The following COX10 variants were observed in gnomAD, a reference collection of about 807,000 sequenced individuals.
COX10 encodes cytochrome c oxidase assembly factor heme A:farnesyltransferase COX10.
In COX10, 27 loss-of-function variants were observed where a neutral mutation model predicts 37.3. That is an observed-to-expected ratio of 0.72 (90% CI 0.53 to 1.00). The LOEUF is 1.00. Among genes scored for constraint, COX10 ranks in the 50% least tolerant of loss-of-function variants. COX10 has a pLI of 0.00. For missense variants in COX10, 475 were observed against 563.2 expected, an observed-to-expected ratio of 0.84 and a Z score of 1.59; for synonymous variants, 222 against 229.1, an observed-to-expected ratio of 0.97 and a Z score of 0.28.
chr17:14,159,846 T>G, intron 4 of COX10, 31 bp from the exon 5 acceptor site: 1 of 1,527,968 alleles, frequency 6.5e-7, no homozygotes, highest in African/African-American at 1.4e-5. Context: ...TTATAGTTAA[T>G]GTTTTCTGTC....
chr17:14,074,240 C>G (rs558546952), intron 1 of COX10, 83 bp from the exon 2 acceptor site: 458 of 1,521,348 alleles, frequency 3.0e-4, no homozygotes, highest in Middle Eastern at 1.7e-4. Context: ...TAGTGGCTGG[C>G]TTTGCTTCTG....
At chr17:14,151,552 C>T (rs1904894720) in intron 4 of COX10, among the ~76,000 whole-genome samples, 1 of 151,632 alleles carries the variant, frequency 6.6e-6, no homozygotes, top group Non-Finnish European at 1.5e-5. Context: ...CACACACACA[C>T]ACACACACAC....
Position 14,176,062 on chromosome 17 carries a change from G to A in COX10, c.696-15927G>A, listed in dbSNP as rs567882745. Among the ~76,000 whole-genome samples the A allele has an allele frequency of 8.2e-4, 124 of 152,052 alleles. 1 individual carries two copies. Among genetic ancestry groups the A allele is most frequent in the African/African-American group, 2.7e-3 (111 of 41,524 alleles). On this transcript the variant is annotated intron_variant, in intron 5 of 6. Coordinates refer to ENST00000261643, the MANE Select transcript of COX10 (RefSeq NM_001303.4). ...CTCAGCTGCCTGGGTAAAGTAGACC[G>A]TAGAATCCCAGGAGAGAGACTTGGG...
chr17:14,069,692 CTT>C, intron 1 of COX10, 44 bp downstream of exon 1: 3 of 1,612,372 alleles, frequency 1.9e-6, no homozygotes, highest in Non-Finnish European at 1.7e-6. Context: ...AAATTCTTCT[CTT>C]ATTACCACGT....
chr17:14,096,022 C>T (rs760650557), intron 3 of COX10, among the ~76,000 whole-genome samples: 6 of 152,108 alleles, frequency 3.9e-5, no homozygotes, highest in South Asian at 2.1e-4. Flanking sequence ...GGTCCAGGGC[C>T]GCCTCTGGTG....
intron 4 of COX10, among the ~76,000 whole-genome samples, chr17:14,124,262 G>A (rs1916287500): frequency 6.6e-6 from 1 of 152,142 alleles, no homozygotes; most frequent in Non-Finnish European, 1.5e-5. Flanking sequence ...TTTGTGACTT[G>A]TAAGCCAAAT....
intron 4 of COX10, among the ~76,000 whole-genome samples, chr17:14,124,920 C>G (rs910074520): frequency 6.6e-6 from 1 of 152,124 alleles, no homozygotes; most frequent in South Asian, 2.1e-4. Context: ...TAGAAATCTT[C>G]CCTTTTGTGT....
intron 4 of COX10, among the ~76,000 whole-genome samples, chr17:14,118,857 A>G (rs773645681): frequency 6.7e-6 from 1 of 149,778 alleles, no homozygotes; most frequent in East Asian, 1.9e-4. Context: ...TTTTATTTCT[A>G]TAATACCTGT....
intron 4 of COX10, among the ~76,000 whole-genome samples, chr17:14,114,590 G>T (rs947792020): frequency 1.6e-4 from 24 of 151,998 alleles, no homozygotes; most frequent in African/African-American, 5.8e-4. Context: ...AGTTGCCAGC[G>T]GGTGACATTA....
intron 4 of COX10, among the ~76,000 whole-genome samples, chr17:14,152,754 C>T (rs1160353865): frequency 6.6e-6 from 1 of 152,202 alleles, no homozygotes; most frequent in Non-Finnish European, 1.5e-5. Flanking sequence ...AAACATCGGA[C>T]TTTGATGATG....
At chr17:14,142,016 G>T (rs907970413) in intron 4 of COX10, among the ~76,000 whole-genome samples, 2 of 151,902 alleles carry the variant, frequency 1.3e-5, no homozygotes, top group Non-Finnish European at 2.9e-5. Context: ...AAATTTCTCC[G>T]GGATCAGGTT....
rs748637459 is a variant in COX10 at position 14,069,639 on chromosome 17, C to T, written c.34C>T (p.Leu12Phe). The T allele has an allele frequency of 1.2e-6, 2 of 1,614,000 alleles. No individual in the cohort carries two copies. Among genetic ancestry groups the T allele is most frequent in the African/African-American group, 2.7e-5 (2 of 74,946 alleles). The change falls in exon 1 of 7, where the codon CTC (leucine) becomes TTC (phenylalanine). Residue 12 changes from leucine to phenylalanine, a missense_variant. By Grantham distance (22) the Leu-to-Phe change is conservative (BLOSUM62 0). Transcript: ENST00000261643. ...AASPHTLSSR[L>F]LTGCVGGSVW... ...ATCTCCGCACACTCTCTCCTCACGC[C>T]TCCTGACAGGTACTGTACCCGCCTT...
chr17:14,164,128 A>G lies in COX10; in HGVS notation c.695+4181A>G, dbSNP rs1905227762. Among the ~76,000 whole-genome samples, 3 of 152,206 alleles carry G rather than the reference A, an allele frequency of 2.0e-5. No homozygotes were observed. In the South Asian group the frequency reaches 6.2e-4, roughly 31 times the overall value. On this transcript the variant is annotated intron_variant, in intron 5 of 6. Coordinates refer to ENST00000261643, the MANE Select transcript of COX10 (RefSeq NM_001303.4). ...ATATATCTGTGTTTGTGAAAGATAA[A>G]AGTTCTCAAGATCTTGGCTCTAGGG...
intron 5 of COX10, chr17:14,179,134 T>G: frequency 3.1e-6 from 1 of 322,102 alleles, no homozygotes; most frequent in Non-Finnish European, 4.5e-6. Context: ...AAGTCTTAAT[T>G]TCGCTTCAGA....
chr17:14,125,513 A>T (rs528482464), intron 4 of COX10, among the ~76,000 whole-genome samples: 4 of 152,180 alleles, frequency 2.6e-5, no homozygotes, highest in Non-Finnish European at 5.9e-5. Flanking sequence ...AGACGATGAA[A>T]TGCAGCTCTT....
chr17:14,085,870 A>G (rs1308782993), intron 3 of COX10, among the ~76,000 whole-genome samples: 1 of 152,170 alleles, frequency 6.6e-6, no homozygotes, highest in Non-Finnish European at 1.5e-5. Flanking sequence ...GCTTGATGAT[A>G]ATGTATTCTT....
At chr17:14,085,674 A>G (rs1416487161) in intron 3 of COX10, among the ~76,000 whole-genome samples, 1 of 152,092 alleles carries the variant, frequency 6.6e-6, no homozygotes, top group Non-Finnish European at 1.5e-5. Flanking sequence ...TATCCTTATT[A>G]TACATAGTAC....
chr17:14,091,331 A>G (rs1597496829), intron 3 of COX10, among the ~76,000 whole-genome samples: 2 of 152,194 alleles, frequency 1.3e-5, no homozygotes, highest in African/African-American at 2.4e-5. Flanking sequence ...TTATCAGTGA[A>G]TTGCTATTAG....
chr17:14,138,725 T>C lies in COX10; in HGVS notation c.625-21152T>C, dbSNP rs185775478. 4.6e-5 allele frequency among the ~76,000 whole-genome samples: 7 copies of C among 152,318 alleles called. No homozygotes were observed. In the East Asian group the frequency reaches 9.6e-4, roughly 21 times the overall value. ...TAATTTGCATTTCTATAGATCTTAC[T>C]GTACTGCCTCCTATTATTTTATAAA... is the stretch of plus-strand genomic sequence containing the variant. On this transcript the variant is annotated intron_variant, in intron 4 of 6. Transcript: ENST00000261643.
Sources: allele counts gnomAD v4.1 joint callset (sites outside exome capture counted in the v4.1 genomes callset), GRCh38; gene constraint gnomAD v4.1.1; transcripts MANE v1.5; gene names NCBI Gene and HGNC (gene_info 2026-07-23, HGNC 2026-07-21).